Variants in NCBP3 observed in about 807,000 individuals in gnomAD.
NCBP3 encodes nuclear cap binding subunit 3.
Under a neutral mutation model 75.7 loss-of-function variants are expected in NCBP3, and 20 were observed. That is an observed-to-expected ratio of 0.26 (90% CI 0.19 to 0.38). The LOEUF is 0.38. Ranked by LOEUF, NCBP3 falls within the 10% of genes least tolerant of loss-of-function variation. The pLI, the probability that NCBP3 is intolerant of heterozygous loss-of-function variation, is 1.00. For missense variants in NCBP3, 678 were observed against 796.9 expected (o/e 0.85, Z 1.80); for synonymous variants, 293 against 290.5 (o/e 1.01, Z -0.09).
At chr17:3,836,292 C>T (rs577266409) in intron 3 of NCBP3, among the ~76,000 whole-genome samples, 1 of 152,282 alleles carries the variant, frequency 6.6e-6, no homozygotes, top group South Asian at 2.1e-4. Flanking sequence ...AACTGGGCAC[C>T]TGCCATGTGC....
At position 3,822,238 on chromosome 17, in the gene NCBP3, G is replaced by A; in HGVS notation, c.797-186C>T. ...AGCAATGCAGTGTAGAGGGGATAAA[G>A]CAAAATACAGAGACGAATGAGGTTA... On this transcript the variant is annotated intron_variant, in intron 7 of 12. Coordinates refer to ENST00000389005, the MANE Select transcript of NCBP3 (RefSeq NM_001114118.3). 5.9e-6 allele frequency: 3 copies of A among 510,056 alleles called. No homozygotes were observed. In the South Asian group the frequency reaches 9.0e-5, roughly 15 times the overall value. 31.6% of individuals were successfully genotyped at this position (510,056 alleles called of 1,614,324 possible).
In NCBP3 at chr17:3,818,440, G is replaced by A. The variant is rs924972929; in HGVS notation, c.1133C>T (p.Pro378Leu). 6.8e-6 allele frequency: 11 copies of A among 1,613,850 alleles called. No individual in the cohort carries two copies. The highest frequency in any genetic ancestry group is 2.2e-5 in the East Asian group (1 of 44,882). ...RVVVEYHEELPALKQPRERSA... is the reference protein window; with the variant it reads ...RVVVEYHEELLALKQPRERSA... ...CCGCTCCCGGGGCTGCTTGAGAGCC[G>A]GGAGCTCCTCGTGGTACTCTACCAC... The change falls in exon 10 of 13, where the codon CCG (proline) becomes CTG (leucine). Residue 378 changes from proline (P) to leucine (L), a missense_variant. Pro to Leu is a moderately conservative substitution (Grantham distance 98). This residue lies in a region of NCBP3 where 365 missense variants were observed against 392.7 expected (regional missense o/e 0.93). Transcript: ENST00000389005. This position sits in a 1 kb window ranked among gnomAD's most constrained non-coding sequence, Gnocchi z 4.7.
rs992358545 is a variant in NCBP3 at position 3,821,675 on chromosome 17, G to A, written c.896+278C>T. 5.3e-5 allele frequency among the ~76,000 whole-genome samples: 8 copies of A among 152,038 alleles called. No homozygotes were observed. The East Asian group carries it at 7.7e-4, about 15-fold the overall frequency. ...TGACCTCAGGTGATCTGCTGGCCTC[G>A]GCCTCCCAAAGTGCTGGGATTACAG... On this transcript the variant is annotated intron_variant, in intron 8 of 12. Coordinates refer to ENST00000389005, the MANE Select transcript of NCBP3 (RefSeq NM_001114118.3).
chr17:3,841,686 A>G (rs992438679), intron 2 of NCBP3, among the ~76,000 whole-genome samples: 1 of 145,704 alleles, frequency 6.9e-6, no homozygotes, highest in African/African-American at 2.5e-5. Context: ...TAAAAAGGTT[A>G]GCTGGGCATG....
Position 3,844,932 on chromosome 17 carries a change from T to TCAAAA in NCBP3, c.183+1104_183+1108dup, listed in dbSNP as rs551675503. Reference sequence around the variant, plus strand: ...CTGGGCAACAAGAGCGAACTCCGTCTCAAAACAAAACAAAACAAAAACCAT... The same window carrying TCAAAA: ...CTGGGCAACAAGAGCGAACTCCGTCTCAAAACAAAACAAAACAAAACAAAAACCAT... On this transcript the variant is annotated intron_variant, in intron 1 of 12. Transcript: ENST00000389005. Among the ~76,000 whole-genome samples the TCAAAA allele has an allele frequency of 3.2e-3, 485 of 152,324 alleles. 5 individuals are homozygous for TCAAAA. Among genetic ancestry groups the TCAAAA allele is most frequent in the African/African-American group, 0.011 (464 of 41,564 alleles).
chr17:3,844,206 T>C (rs997919772), intron 1 of NCBP3, among the ~76,000 whole-genome samples: 4 of 152,274 alleles, frequency 2.6e-5, no homozygotes, highest in Admixed American at 2.6e-4. Flanking sequence ...GCAAAGGGGA[T>C]GGGATTTGGA....
intron 3 of NCBP3, among the ~76,000 whole-genome samples, chr17:3,835,856 T>C (rs1219844130): frequency 6.6e-6 from 1 of 152,216 alleles, no homozygotes; most frequent in African/African-American, 2.4e-5. Flanking sequence ...GACAGTCCAG[T>C]GTGCCACAGC....
Position 3,843,295 on chromosome 17 carries a change from G to C in NCBP3, c.184-144C>G, listed in dbSNP as rs528302159. 1.2e-5 allele frequency: 8 copies of C among 662,752 alleles called. No individual in the cohort carries two copies. The Admixed American group carries it at 2.2e-4, about 18-fold the overall frequency. 41.1% of individuals were successfully genotyped at this position (662,752 alleles called of 1,614,324 possible). A position where few individuals can be genotyped will look rare whatever the true frequency, so the allele number is the denominator to read the frequency against. On this transcript the variant is annotated intron_variant, in intron 1 of 12. Coordinates refer to ENST00000389005, the MANE Select transcript of NCBP3 (RefSeq NM_001114118.3). ...GTGTCTTGCTCTGTTGCCCAGGCCG[G>C]AGTGCAGTAGAATGATCACAGCTCA... is the stretch of plus-strand genomic sequence containing the variant.
Position 3,802,551 on chromosome 17 carries a change from T to C in NCBP3, c.*10493A>G, listed in dbSNP as rs2053280459. On this transcript the variant is annotated 3_prime_UTR_variant, in exon 13 of 13. Coordinates refer to ENST00000389005, the MANE Select transcript of NCBP3 (RefSeq NM_001114118.3). ...GTCTGGTGGTTTTCCTGCCAGGTCA[T>C]GATGAAACCATCCTACTTCTGTTGA... 6.6e-6 allele frequency: 1 copy of C among 152,254 alleles called. No individual in the cohort carries two copies. Among genetic ancestry groups the C allele is most frequent in the African/African-American group, 2.4e-5 (1 of 41,468 alleles). 9.4% of individuals were successfully genotyped at this position (152,254 alleles called of 1,614,324 possible).
In NCBP3 at chr17:3,811,275, A is replaced by C. The variant is rs996805547; in HGVS notation, c.*1769T>G. On this transcript the variant is annotated 3_prime_UTR_variant, in exon 13 of 13. Coordinates refer to ENST00000389005, the MANE Select transcript of NCBP3 (RefSeq NM_001114118.3). The stretch of plus-strand genomic sequence containing the variant: ...AGGTGTCCGATTCTCAGGCCCCCGC[A>C]CTCCTCACTCTACCAACTCCCCAAA... 3 of 151,898 alleles carry C rather than the reference A, an allele frequency of 2.0e-5. No homozygotes were observed. The highest frequency in any genetic ancestry group is 7.3e-5 in the African/African-American group (3 of 41,316). The allele number at this position is 151,898 out of a possible 1,614,324, so 9.4% of individuals were successfully genotyped here. A position where few individuals can be genotyped will look rare whatever the true frequency, so the allele number is the denominator to read the frequency against.
chr17:3,813,432 C>T (rs1047168530), intron 12 of NCBP3, among the ~76,000 whole-genome samples, 153 bp from the exon 13 acceptor site: 2 of 152,230 alleles, frequency 1.3e-5, no homozygotes, highest in African/African-American at 4.8e-5. Context: ...CAGGCAAAAT[C>T]TCATTTCCCG....
intron 7 of NCBP3, chr17:3,822,271 T>C (rs2053681880): frequency 2.3e-6 from 1 of 433,302 alleles, no homozygotes. Context: ...TTAAAACTGC[T>C]GTTTGGAGCC....
rs2053339125 is a variant in NCBP3 at position 3,806,590 on chromosome 17, G to C, written c.*6454C>G. The C allele has an allele frequency of 6.6e-6, 1 of 152,026 alleles. No homozygotes were observed. The allele number at this position is 152,026 out of a possible 1,614,324, so 9.4% of individuals were successfully genotyped here. A position where few individuals can be genotyped will look rare whatever the true frequency, so the allele number is the denominator to read the frequency against. ...GGTGAAATACCGCCTATACTCTCAA[G>C]TTTTATGGATAGTGCAGCCAAATTC... is the stretch of plus-strand genomic sequence containing the variant. On this transcript the variant is annotated 3_prime_UTR_variant, in exon 13 of 13. Transcript: ENST00000389005.
chr17:3,823,607 G>A (rs1475674544), intron 7 of NCBP3, among the ~76,000 whole-genome samples: 3 of 152,010 alleles, frequency 2.0e-5, no homozygotes, highest in South Asian at 2.1e-4. Context: ...TTTTAAAATA[G>A]GGATGAGGTC....
intron 3 of NCBP3, among the ~76,000 whole-genome samples, chr17:3,837,489 G>GA (rs113732977): frequency 0.2 from 28,265 of 143,324 alleles, 2,920 homozygotes; most frequent in Non-Finnish European, 0.24. Context: ...AGAAAGAGAG[G>GA]AAAAAAAAAA....
At position 3,818,627 on chromosome 17, in the gene NCBP3, A is replaced by AT; in HGVS notation, c.1001-56dup. 1.3e-6 allele frequency: 2 copies of AT among 1,539,910 alleles called. No homozygotes were observed. The highest frequency in any genetic ancestry group is 1.7e-6 in the Non-Finnish European group (2 of 1,151,718). On this transcript the variant is annotated intron_variant, in intron 9 of 12. Coordinates refer to ENST00000389005, the MANE Select transcript of NCBP3 (RefSeq NM_001114118.3). This position sits in a 1 kb window ranked among gnomAD's most constrained non-coding sequence, Gnocchi z 4.7. ...AAAAGCACTAAAATTAACAAGTATG[A>AT]TTTTCTACTCTACATCGGTGACCTT...
chr17:3,832,498 G>A (rs1567591934), intron 3 of NCBP3, among the ~76,000 whole-genome samples: 5 of 119,508 alleles, frequency 4.2e-5, no homozygotes, highest in South Asian at 6.0e-4. Flanking sequence ...AGGTGTGGTG[G>A]CAGGCACCTG....
intron 1 of NCBP3, among the ~76,000 whole-genome samples, chr17:3,843,399 A>AT (rs552123830): frequency 5.5e-4 from 82 of 150,258 alleles, no homozygotes; most frequent in Non-Finnish European, 1.0e-3. Flanking sequence ...TGCCCAGCTA[A>AT]TTTTTTTTTT....
In NCBP3 at chr17:3,829,230, C is replaced by T. The variant is rs369368871; in HGVS notation, c.481+13G>A. On this transcript the variant is annotated intron_variant, in intron 4 of 12. Transcript: ENST00000389005. ...AACAAAAGCATATTCACAGGAAACT[C>T]GGGTGTACTTACAGGAGGTATCATC... is the stretch of plus-strand genomic sequence containing the variant. 138 of 1,550,888 alleles carry T rather than the reference C, an allele frequency of 8.9e-5. 1 individual carries two copies. In the South Asian group the frequency reaches 1.1e-3, roughly 12 times the overall value.
Sources: allele counts gnomAD v4.1 joint callset (sites outside exome capture counted in the v4.1 genomes callset), GRCh38; gene constraint gnomAD v4.1.1; regional missense constraint gnomAD v4.1.1; non-coding constraint Gnocchi (gnomAD v3.1); transcripts MANE v1.5; gene names NCBI Gene and HGNC (gene_info 2026-07-23, HGNC 2026-07-21).